The following DDX60 variants were observed in gnomAD, a reference collection of about 807,000 sequenced individuals.
DDX60 encodes the protein probable ATP-dependent RNA helicase DDX60.
Under a neutral mutation model 212.8 loss-of-function variants are expected in DDX60, and 165 were observed. The observed-to-expected ratio is 0.78, with a 90% CI of 0.68 to 0.88. The LOEUF is 0.88. Among genes scored for constraint, DDX60 ranks in the 40% least tolerant of loss-of-function variants. The pLI is 0.00. For synonymous variants in DDX60, 703 were observed against 685.3 expected (o/e 1.03, Z -0.40); for missense variants, 1,905 against 2,003.9 (o/e 0.95, Z 0.94).
chr4:168,244,328 T>C (rs766201368), intron 30 of DDX60, among the ~76,000 whole-genome samples: 18 of 144,854 alleles, frequency 1.2e-4, no homozygotes, highest in Non-Finnish European at 2.2e-4. Flanking sequence ...ATATGACTTC[T>C]TTGAGACAAG....
intron 13 of DDX60, 132 bp from the exon 14 acceptor site, chr4:168,280,722 TTC>T: frequency 9.6e-7 from 1 of 1,038,070 alleles, no homozygotes; most frequent in Middle Eastern, 3.2e-4. Context: ...TGTGAAAAAT[TTC>T]TTTTTTTCTT....
chr4:168,253,224 C>G (rs1036242279), intron 26 of DDX60, among the ~76,000 whole-genome samples: 3 of 152,120 alleles, frequency 2.0e-5, no homozygotes, highest in African/African-American at 7.2e-5. Context: ...GTTCCTTTTC[C>G]TTCTGGCTGT....
chr4:168,305,555 A>G (rs1736838600), intron 5 of DDX60, among the ~76,000 whole-genome samples: 1 of 149,980 alleles, frequency 6.7e-6, no homozygotes, highest in African/African-American at 2.4e-5. Flanking sequence ...TAATTTTATT[A>G]ATTTACTATA....
At chr4:168,260,776 G>A in intron 25 of DDX60, 89 bp downstream of exon 25, 1 of 1,174,990 alleles carries the variant, frequency 8.5e-7, no homozygotes, top group South Asian at 1.4e-5. Context: ...GCCAGTGATG[G>A]TCTGTGGCCT....
Position 168,306,544 on chromosome 4 carries a change from G to A in DDX60, c.441C>T (p.Asp147=), listed in dbSNP as rs2684369. ...GTGTTTGTAGATCGTTCAGGCCTTC[G>A]TCTGCAACTATCAGGAAATATGGGT... ...ESYPYFLIVA[D]EGLNDLQTQL... is the part of the protein sequence containing the mutation. Residue 147 remains aspartate (D), a synonymous_variant, in exon 5 of 38, where the codon GAC becomes GAT. Coordinates refer to ENST00000393743, the MANE Select transcript of DDX60 (RefSeq NM_017631.6). 1,793 of 1,614,110 alleles carry A rather than the reference G, an allele frequency of 1.1e-3. 12 individuals carry two copies. In the African/African-American group the frequency reaches 0.019, roughly 17 times the overall value.
chr4:168,272,159 T>G (rs1367613531), intron 18 of DDX60, 21 bp from the exon 19 acceptor site: 2 of 1,544,116 alleles, frequency 1.3e-6, no homozygotes, highest in Non-Finnish European at 1.8e-6. Context: ...TAATATTGTG[T>G]GAAGTAACAT....
At chr4:168,288,748 T>A (rs1410296674) in intron 8 of DDX60, among the ~76,000 whole-genome samples, 2 of 152,214 alleles carry the variant, frequency 1.3e-5, no homozygotes, top group African/African-American at 4.8e-5. Flanking sequence ...TAGAAGATGC[T>A]GAATCCTTCA....
At chr4:168,265,835 AGGAAGGGAAG>A (rs138501508) in intron 22 of DDX60, among the ~76,000 whole-genome samples, 40,807 of 88,840 alleles carry the variant, frequency 0.46, 10,038 homozygotes, top group Middle Eastern at 0.54. Flanking sequence ...GAAGGAGGGA[AGGAAGGGAAG>A]GGAAGGGAAG....
At chr4:168,298,570 T>C (rs778344647) in intron 6 of DDX60, among the ~76,000 whole-genome samples, 1 of 152,268 alleles carries the variant, frequency 6.6e-6, no homozygotes, top group Admixed American at 6.5e-5. Flanking sequence ...ATCCAACATA[T>C]GCATGGCAAC....
At chr4:168,272,017 A>T in intron 19 of DDX60, 26 bp downstream of exon 19, 1 of 1,514,150 alleles carries the variant, frequency 6.6e-7, no homozygotes, top group Non-Finnish European at 9.0e-7. Flanking sequence ...CTAGGGAATT[A>T]AGCAAAGAAA....
rs1031982211 is a variant in DDX60 at position 168,231,729 on chromosome 4, C to T, written c.4533+4523G>A. On this transcript the variant is annotated intron_variant, in intron 33 of 37. Transcript: ENST00000393743. The stretch of plus-strand genomic sequence containing the variant: ...GGACATAGCTTAAGGTAATAAAAGC[C>T]ATCTAAGACAATCCCACAGTCAACG... 9.2e-5 allele frequency among the ~76,000 whole-genome samples: 14 copies of T among 151,892 alleles called. 1 individual carries two copies. The South Asian group carries it at 1.4e-3, about 16-fold the overall frequency.
chr4:168,269,044 T>A (rs1734974141), intron 19 of DDX60, 75 bp from the exon 20 acceptor site: 2 of 818,956 alleles, frequency 2.4e-6, no homozygotes, highest in East Asian at 5.2e-5. Context: ...AGACATGGAA[T>A]CTTGAAATTG....
intron 22 of DDX60, among the ~76,000 whole-genome samples, chr4:168,265,079 G>C (rs1579017992): frequency 6.6e-6 from 1 of 152,262 alleles, no homozygotes. Context: ...GTCAGCAGCT[G>C]TTCCTGTGTG....
chr4:168,274,117 A>G, intron 16 of DDX60, 34 bp from the exon 17 acceptor site: 1 of 1,612,080 alleles, frequency 6.2e-7, no homozygotes, highest in African/African-American at 1.3e-5. Flanking sequence ...ATGTCAAGAA[A>G]CTGAACCGTA....
intron 22 of DDX60, chr4:168,265,764 T>A (rs964385414): frequency 1.5e-4 from 21 of 141,514 alleles, no homozygotes; most frequent in African/African-American, 4.0e-4. Context: ...AAATGCCACA[T>A]AATGATGAAA....
At chr4:168,286,997 A>G (rs1468905456) in intron 10 of DDX60, 51 bp downstream of exon 10, 13 of 1,444,234 alleles carry the variant, frequency 9.0e-6, no homozygotes, top group Admixed American at 4.7e-5. Flanking sequence ...TTTCCTAAAC[A>G]CTTTCAGAGG....
At chr4:168,302,589 T>C (rs1179627049) in intron 5 of DDX60, among the ~76,000 whole-genome samples, 173 bp from the exon 6 acceptor site, 1 of 152,260 alleles carries the variant, frequency 6.6e-6, no homozygotes, top group Non-Finnish European at 1.5e-5. Flanking sequence ...CTATTTTGTC[T>C]TTGAAAGTTA....
In DDX60 at chr4:168,267,950, T is replaced by C. The variant is rs1279966853; in HGVS notation, c.2820A>G (p.Gln940=). ...TATTATTTTCAATTATTTTGTCTTC[T>C]TGTTTCCAGTACCATTTTACCGATT... The part of the protein sequence containing the change: ...WLQSVKWYWK[Q]EDKIIENNTA... Residue 940 remains glutamine (Q), a synonymous_variant, in exon 21 of 38, where the codon CAA becomes CAG. Coordinates refer to ENST00000393743, the MANE Select transcript of DDX60 (RefSeq NM_017631.6). 5 of 1,612,926 alleles carry C rather than the reference T, an allele frequency of 3.1e-6. No homozygotes were observed. In the Admixed American group the frequency reaches 6.7e-5, roughly 22 times the overall value.
At chr4:168,303,869 C>T (rs1736758792) in intron 5 of DDX60, among the ~76,000 whole-genome samples, 1 of 152,118 alleles carries the variant, frequency 6.6e-6, no homozygotes, top group African/African-American at 2.4e-5. Flanking sequence ...GTAGTCTCAG[C>T]TACTTGGGAG....
Sources: allele counts gnomAD v4.1 joint callset (sites outside exome capture counted in the v4.1 genomes callset), GRCh38; gene constraint gnomAD v4.1.1; transcripts MANE v1.5; gene names NCBI Gene and HGNC (gene_info 2026-07-23, HGNC 2026-07-21).